Variants in RXFP1 observed in about 807,000 individuals in gnomAD.
RXFP1 encodes the protein relaxin receptor 1.
A neutral mutation model predicts 89.8 loss-of-function variants in RXFP1; 73 were observed. The observed-to-expected ratio is 0.81, with a 90% CI of 0.67 to 0.99. The LOEUF is 0.99. Ranked by LOEUF, RXFP1 falls within the 50% of genes least tolerant of loss-of-function variation. The probability of loss-of-function intolerance (pLI) is 0.00; values close to 1 mark genes in which losing one functional copy is unlikely to be tolerated. For missense variants in RXFP1, 793 were observed against 895.5 expected, an observed-to-expected ratio of 0.89 and a Z score of 1.46; for synonymous variants, 277 against 305.5, an observed-to-expected ratio of 0.91 and a Z score of 0.97.
chr4:158,575,496 C>T (rs1471160512), intron 2 of RXFP1, among the ~76,000 whole-genome samples: 1 of 152,012 alleles, frequency 6.6e-6, no homozygotes, highest in Non-Finnish European at 1.5e-5. Context: ...AAGCCCTATC[C>T]CCCAGTGTGA....
chr4:158,587,115 G>A (rs1023780937), intron 2 of RXFP1, among the ~76,000 whole-genome samples: 2 of 152,140 alleles, frequency 1.3e-5, no homozygotes, highest in African/African-American at 4.8e-5. Context: ...TCCTGAGGTA[G>A]GTGGATGTGG....
At chr4:158,594,256 G>T (rs1057143694) in intron 3 of RXFP1, among the ~76,000 whole-genome samples, 34 of 152,222 alleles carry the variant, frequency 2.2e-4, no homozygotes, top group African/African-American at 7.9e-4. Context: ...TATCTGCTTA[G>T]TTGGTGACCC....
At chr4:158,586,419 T>C (rs1186985093) in intron 2 of RXFP1, among the ~76,000 whole-genome samples, 1 of 152,216 alleles carries the variant, frequency 6.6e-6, no homozygotes, top group African/African-American at 2.4e-5. Flanking sequence ...TACCCATATA[T>C]ACTGGAAACC....
intron 1 of RXFP1, among the ~76,000 whole-genome samples, chr4:158,559,981 C>T (rs576572204): frequency 6.6e-6 from 1 of 152,260 alleles, no homozygotes; most frequent in South Asian, 2.1e-4. Flanking sequence ...GTAAAGACAA[C>T]TTCTATTCTC....
At chr4:158,573,991 C>T (rs1207271228) in intron 2 of RXFP1, among the ~76,000 whole-genome samples, 1 of 152,174 alleles carries the variant, frequency 6.6e-6, no homozygotes, top group Admixed American at 6.5e-5. Context: ...AACCAACAAC[C>T]ATACCTCTGG....
chr4:158,542,109 A>ATATATTTTTTT lies in RXFP1; in HGVS notation c.49+20085_49+20086insATATTTTTTTT. On this transcript the variant is annotated intron_variant, in intron 1 of 17. Transcript: ENST00000307765. ...TATATATATATATATATATATATAT[A>ATATATTTTTTT]TTTTTTTTTTAGTAGAGACAGGGTT... Among the ~76,000 whole-genome samples the ATATATTTTTTT allele has an allele frequency of 4.6e-3, 163 of 35,200 alleles. 4 individuals are homozygous for ATATATTTTTTT. Among genetic ancestry groups the ATATATTTTTTT allele is most frequent in the African/African-American group, 0.011 (122 of 10,750 alleles). The allele number at this position is 35,200 out of a possible 152,430, so 23.1% of individuals were successfully genotyped here. A position where few individuals can be genotyped will look rare whatever the true frequency, so the allele number is the denominator to read the frequency against.
rs1325753765 is a variant in RXFP1, at chr4:158,651,766, C to A, written c.1985C>A (p.Thr662Asn). 6.2e-7 allele frequency: 1 copy of A among 1,604,830 alleles called. No homozygotes were observed. Among genetic ancestry groups the A allele is most frequent in the African/African-American group, 1.3e-5 (1 of 74,444 alleles). The change falls in exon 18 of 18, where the codon ACC (threonine) becomes AAC (asparagine). Residue 662 changes from threonine to asparagine, a missense_variant. By Grantham distance (65) the Thr-to-Asn change is moderately conservative. Coordinates refer to ENST00000307765, the MANE Select transcript of RXFP1 (RefSeq NM_021634.4). ...LLQVEIPGTI[T>N]SWVVIFILPI... ...CATTTTTCTTTTTTAGGTACCATAA[C>A]CTCTTGGGTAGTGATTTTTATTCTG...
chr4:158,643,663 G>A (rs937882680), intron 14 of RXFP1, among the ~76,000 whole-genome samples: 1 of 151,746 alleles, frequency 6.6e-6, no homozygotes, highest in African/African-American at 2.4e-5. Context: ...AGTAGAGACG[G>A]GTTTTCACCG....
chr4:158,613,637 G>A (rs1763974963), intron 8 of RXFP1, among the ~76,000 whole-genome samples: 2 of 152,170 alleles, frequency 1.3e-5, no homozygotes, highest in Admixed American at 1.3e-4. Context: ...TCTAATTCTA[G>A]TTCTCTTGCT....
At chr4:158,551,294 G>C (rs1161445082) in intron 1 of RXFP1, among the ~76,000 whole-genome samples, 1 of 152,184 alleles carries the variant, frequency 6.6e-6, no homozygotes, top group Non-Finnish European at 1.5e-5. Flanking sequence ...GTCGAGTGGG[G>C]AGTACCAGGG....
Position 158,612,164 on chromosome 4 carries a change from C to T in RXFP1, c.571C>T (p.Pro191Ser), listed in dbSNP as rs771240923. ...LSHNRITFLK[P>S]GVFEDLHRLE... Reference sequence around the variant, plus strand: ...TCATAACAGAATAACCTTCCTGAAGCCGGGTGTTTTTGAAGATCTTCACAG... The same window carrying T: ...TCATAACAGAATAACCTTCCTGAAGTCGGGTGTTTTTGAAGATCTTCACAG... The change falls in exon 7 of 18, where the codon CCG becomes TCG. Residue 191 changes from proline (P) to serine (S), a missense_variant. Transcript: ENST00000307765. 7 of 1,611,024 alleles carry T rather than the reference C, an allele frequency of 4.3e-6. No homozygotes were observed. Among genetic ancestry groups the T allele is most frequent in the Admixed American group, 1.7e-5 (1 of 59,586 alleles).
intron 1 of RXFP1, among the ~76,000 whole-genome samples, chr4:158,543,117 A>C (rs1006853568): frequency 2.0e-5 from 3 of 152,154 alleles, no homozygotes; most frequent in Non-Finnish European, 4.4e-5. Flanking sequence ...AAATAAGTTT[A>C]ACACACACAC....
intron 9 of RXFP1, among the ~76,000 whole-genome samples, chr4:158,622,001 T>C (rs1157692564): frequency 6.6e-6 from 1 of 152,154 alleles, no homozygotes; most frequent in Non-Finnish European, 1.5e-5. Flanking sequence ...GGAAAACATA[T>C]GGAGCTTCCT....
chr4:158,533,914 C>A (rs1744668160), intron 1 of RXFP1, among the ~76,000 whole-genome samples: 1 of 152,094 alleles, frequency 6.6e-6, no homozygotes, highest in Non-Finnish European at 1.5e-5. Context: ...ATGAAAACAT[C>A]AATGTATAAA....
chr4:158,626,880 T>G lies in RXFP1; in HGVS notation c.816T>G (p.Asn272Lys). The G allele has an allele frequency of 2.0e-6, 3 of 1,504,768 alleles. No individual in the cohort carries two copies. Among genetic ancestry groups the G allele is most frequent in the Non-Finnish European group, 2.7e-6 (3 of 1,098,828 alleles). The allele number at this position is 1,504,768 out of a possible 1,614,324, so 93.2% of individuals were successfully genotyped here. A position where few individuals can be genotyped will look rare whatever the true frequency, so the allele number is the denominator to read the frequency against. ...LRNLTFISCS[N>K]LTVLVMRKNK... ...ATTTGACTTTTATTTCCTGCAGTAA[T>G]TTAACTGTTTTGTAAGTAATATGCT... The change falls in exon 10 of 18, where the codon AAT (asparagine) becomes AAG (lysine). Residue 272 changes from asparagine to lysine, a missense_variant. Transcript: ENST00000307765.
At chr4:158,599,175 A>C in intron 3 of RXFP1, 151 bp from the exon 4 acceptor site, 3 of 1,257,674 alleles carry the variant, frequency 2.4e-6, no homozygotes, top group Non-Finnish European at 3.3e-6. Flanking sequence ...TTGGAGCCTT[A>C]ATTTAAAGCA....
At chr4:158,636,967 A>G (rs1470862837) in intron 12 of RXFP1, among the ~76,000 whole-genome samples, 1 of 152,158 alleles carries the variant, frequency 6.6e-6, no homozygotes, top group Non-Finnish European at 1.5e-5. Flanking sequence ...ACTTTTTTAG[A>G]TTCCACATAT....
chr4:158,534,559 T>C (rs1744839029), intron 1 of RXFP1, among the ~76,000 whole-genome samples: 1 of 152,308 alleles, frequency 6.6e-6, no homozygotes, highest in Admixed American at 6.5e-5. Flanking sequence ...ATTCTGATTA[T>C]TAATAGGAAT....
upstream of RXFP1, chr4:158,521,830 A>G: frequency 1.7e-6 from 1 of 572,274 alleles, no homozygotes; most frequent in South Asian, 2.3e-5. Context: ...CAGAGAAAGG[A>G]AATGGGAGTG....
Sources: gnomAD v4.1 joint callset for allele counts (sites outside exome capture counted in the v4.1 genomes callset) on GRCh38, gnomAD v4.1.1 for gene constraint, MANE v1.5 for transcripts, NCBI Gene and HGNC (gene_info 2026-07-23, HGNC 2026-07-21) for gene names.